The following DMAC2L variants were observed in gnomAD, a reference collection of about 807,000 sequenced individuals.
DMAC2L encodes the protein distal membrane arm assembly component 2 like, also known as ATP synthase subunit s, mitochondrial.
In DMAC2L, 21 loss-of-function variants were observed where a neutral mutation model predicts 22.5. The observed-to-expected ratio is 0.93, with a 90% CI of 0.66 to 1.34. DMAC2L has a LOEUF of 1.34. Ranked by LOEUF, DMAC2L falls within the 40% of genes most tolerant of loss-of-function variation. The pLI is 0.00. For synonymous variants in DMAC2L, 86 were observed against 89.5 expected, an observed-to-expected ratio of 0.96 and a Z score of 0.22; for missense variants, 239 against 246.5, an observed-to-expected ratio of 0.97 and a Z score of 0.20.
intron 1 of DMAC2L, chr14:50,312,937 C>G: frequency 2.6e-6 from 4 of 1,541,674 alleles, no homozygotes; most frequent in Middle Eastern, 1.7e-4. Flanking sequence ...CACTGGGTAC[C>G]GGAAGAACCA....
chr14:50,312,002 GCCACTCA>G (rs752314078), upstream of DMAC2L: 8 of 1,557,506 alleles, frequency 5.1e-6, no homozygotes, highest in Non-Finnish European at 6.1e-6. Flanking sequence ...AGGACCAGCG[GCCACTCA>G]CCTGGTGCTG....
intron 4 of DMAC2L, 188 bp downstream of exon 4, chr14:50,322,907 T>A: frequency 6.9e-7 from 1 of 1,442,086 alleles, no homozygotes. Context: ...CTTCCTCTCC[T>A]TCCTCCTCTC....
At position 50,317,786 on chromosome 14, in the gene DMAC2L, G is replaced by T. The variant is rs8008783; in HGVS notation, c.-6+3160G>T. ...ACACTATCTCCAAAAAAAAAAAAGG[G>T]GGGTGGTGGTGGTGAGAGTCGGCAT... is the stretch of plus-strand genomic sequence containing the variant. On this transcript the variant is annotated intron_variant, in intron 2 of 5. Transcript: ENST00000557421. Among the ~76,000 whole-genome samples, 672 of 151,974 alleles carry T rather than the reference G, an allele frequency of 4.4e-3. 2 individuals are homozygous for T. The highest frequency in any genetic ancestry group is 0.015 in the African/African-American group (617 of 41,488).
intron 4 of DMAC2L, among the ~76,000 whole-genome samples, chr14:50,323,640 C>T (rs1013816359): frequency 2.7e-5 from 4 of 147,658 alleles, no homozygotes; most frequent in African/African-American, 1.0e-4. Context: ...GTGATCCACC[C>T]GCCTCAGCCT....
chr14:50,323,455 G>A lies in DMAC2L; in HGVS notation c.317-490G>A, dbSNP rs1189566153. 6.3e-5 allele frequency among the ~76,000 whole-genome samples: 9 copies of A among 142,278 alleles called. No individual in the cohort carries two copies. In the East Asian group the frequency reaches 1.7e-3, roughly 27 times the overall value. The allele number at this position is 142,278 out of a possible 152,430, so 93.3% of individuals were successfully genotyped here. A position where few individuals can be genotyped will look rare whatever the true frequency, so the allele number is the denominator to read the frequency against. On this transcript the variant is annotated intron_variant, in intron 4 of 5. Coordinates refer to ENST00000557421, the MANE Select transcript of DMAC2L (RefSeq NM_001382507.1). ...GTCACCAAGGCTAGAGTGCAGTGGC[G>A]TGATCTTGGCTCACTGCAACCTCTA...
At chr14:50,320,832 C>T (rs2032203467) in intron 2 of DMAC2L, among the ~76,000 whole-genome samples, 1 of 152,330 alleles carries the variant, frequency 6.6e-6, no homozygotes, top group African/African-American at 2.4e-5. Flanking sequence ...TCAATCAAAT[C>T]GAAACCTACT....
At chr14:50,313,402 T>A (rs937033807) in intron 1 of DMAC2L, among the ~76,000 whole-genome samples, 1 of 152,196 alleles carries the variant, frequency 6.6e-6, no homozygotes, top group African/African-American at 2.4e-5. Context: ...TTGAGCGGAT[T>A]ACACGAGATA....
chr14:50,318,037 G>A (rs1393953928), intron 2 of DMAC2L, among the ~76,000 whole-genome samples: 1 of 152,108 alleles, frequency 6.6e-6, no homozygotes, highest in African/African-American at 2.4e-5. Flanking sequence ...TGTTTATGTG[G>A]CATATAACAT....
chr14:50,325,716 T>C lies in DMAC2L; in HGVS notation c.596T>C (p.Leu199Ser). The change falls in exon 6 of 6, where the codon TTG (leucine) becomes TCG (serine). Residue 199 changes from leucine to serine, a missense_variant. Coordinates refer to ENST00000557421, the MANE Select transcript of DMAC2L (RefSeq NM_001382507.1). ...CCTTCTCTGGAACTAAAATTACAATTGAAGTAAAATAATGTGTCTTATTTC... is the reference window on the plus strand; with the variant it reads ...CCTTCTCTGGAACTAAAATTACAATCGAAGTAAAATAATGTGTCTTATTTC... ...ALPSLELKLQLK is the reference protein window; with the variant it reads ...ALPSLELKLQSK 6.2e-7 allele frequency: 1 copy of C among 1,609,138 alleles called. No individual in the cohort carries two copies. Among genetic ancestry groups the C allele is most frequent in the South Asian group, 1.1e-5 (1 of 90,262 alleles).
intron 5 of DMAC2L, among the ~76,000 whole-genome samples, chr14:50,324,936 C>CG (rs2139325217): frequency 6.6e-6 from 1 of 152,202 alleles, no homozygotes; most frequent in South Asian, 2.1e-4. Context: ...CCACCACGCC[C>CG]GGCTAATGTT....
rs2031290419 is a variant in DMAC2L at position 50,312,344 on chromosome 14, G to A, written c.-87G>A. The A allele has an allele frequency of 2.8e-6, 2 of 710,510 alleles. No individual in the cohort carries two copies. The highest frequency in any genetic ancestry group is 4.6e-6 in the Non-Finnish European group (2 of 434,376). The allele number at this position is 710,510 out of a possible 1,614,324, so 44.0% of individuals were successfully genotyped here. On this transcript the variant is annotated 5_prime_UTR_variant, in exon 1 of 6. Transcript: ENST00000557421. The stretch of plus-strand genomic sequence containing the variant: ...GCGAAGGGCCGGCCAGGGTGCCGCA[G>A]ACGCGGGGACGCTGGCTCGCTCCCT...
At position 50,327,857 on chromosome 14, in the gene DMAC2L, T is replaced by G. The variant is rs890288823; in HGVS notation, c.*2134T>G. 1 of 152,180 alleles carries G rather than the reference T, an allele frequency of 6.6e-6. No homozygotes were observed. Among genetic ancestry groups the G allele is most frequent in the African/African-American group, 2.4e-5 (1 of 41,424 alleles). The allele number at this position is 152,180 out of a possible 1,614,324, so 9.4% of individuals were successfully genotyped here. A position where few individuals can be genotyped will look rare whatever the true frequency, so the allele number is the denominator to read the frequency against. ...TTCGTTGTGTTTAACAATGTTGTGT[T>G]TAACAGCTTATACAAATAACACAGT... On this transcript the variant is annotated 3_prime_UTR_variant, in exon 6 of 6. Transcript: ENST00000557421.
chr14:50,319,732 T>C (rs1415236036), intron 2 of DMAC2L, among the ~76,000 whole-genome samples: 1 of 152,230 alleles, frequency 6.6e-6, no homozygotes, highest in Admixed American at 6.5e-5. Context: ...GAAATCCTGC[T>C]AACACTTAGT....
intron 2 of DMAC2L, 67 bp downstream of exon 2, chr14:50,314,693 G>A (rs1595180632): frequency 2.2e-6 from 1 of 451,136 alleles, no homozygotes; most frequent in East Asian, 7.0e-5. Context: ...CCAGGCTGGA[G>A]TGCAGTGGTG....
rs2032259088 is a variant in DMAC2L, at chr14:50,321,401, A to C, written c.-5-82A>C. 3.8e-6 allele frequency: 6 copies of C among 1,562,560 alleles called. No homozygotes were observed. In the South Asian group the frequency reaches 6.0e-5, roughly 16 times the overall value. ...AGTGAGTCATCAGCTTTATCAGTAC[A>C]AGAGCATTGACTCTGAAGTAAGTTG... is the stretch of plus-strand genomic sequence containing the variant. On this transcript the variant is annotated intron_variant, in intron 2 of 5. Coordinates refer to ENST00000557421, the MANE Select transcript of DMAC2L (RefSeq NM_001382507.1).
intron 1 of DMAC2L, chr14:50,313,066 T>G (rs891571054): frequency 6.2e-7 from 1 of 1,605,242 alleles, no homozygotes; most frequent in African/African-American, 1.3e-5. Flanking sequence ...TGCAGGTCAC[T>G]TCACCTGATT....
chr14:50,321,406 C>G, intron 2 of DMAC2L, 77 bp from the exon 3 acceptor site: 2 of 1,570,812 alleles, frequency 1.3e-6, no homozygotes, highest in Non-Finnish European at 8.6e-7. Flanking sequence ...AGTACAAGAG[C>G]ATTGACTCTG....
chr14:50,325,275 T>G (rs1184691533), intron 5 of DMAC2L, among the ~76,000 whole-genome samples: 1 of 152,242 alleles, frequency 6.6e-6, no homozygotes, highest in Non-Finnish European at 1.5e-5. Flanking sequence ...AGCTTCATCT[T>G]TTAGTAGAAA....
Position 50,323,986 on chromosome 14 carries a change from C to G in DMAC2L, c.358C>G (p.His120Asp), listed in dbSNP as rs769647474. ...HVEKIRLCKC[H>D]YIEDDCLLRL... ...TGAAAAAATAAGGCTGTGCAAGTGT[C>G]ATTATATCGAGGATGACTGTTTGCT... Residue 120 changes from histidine to aspartate, a missense_variant, in exon 5 of 6, where the codon CAT becomes GAT. Physicochemically the swap from His to Asp is moderately conservative, Grantham distance 81 (BLOSUM62 -1). Coordinates refer to ENST00000557421, the MANE Select transcript of DMAC2L (RefSeq NM_001382507.1). 7.4e-6 allele frequency: 12 copies of G among 1,613,530 alleles called. No homozygotes were observed. Among genetic ancestry groups the G allele is most frequent in the Non-Finnish European group, 1.0e-5 (12 of 1,179,890 alleles).
Sources: gnomAD v4.1 joint callset for allele counts (sites outside exome capture counted in the v4.1 genomes callset) on GRCh38, gnomAD v4.1.1 for gene constraint, MANE v1.5 for transcripts, NCBI Gene and HGNC (gene_info 2026-07-23, HGNC 2026-07-21) for gene names.